The following ANKRD30A variants were observed in gnomAD, a reference collection of about 807,000 sequenced individuals.
ANKRD30A encodes the protein ankyrin repeat domain-containing protein 30A.
In ANKRD30A, 170 loss-of-function variants were observed where a neutral mutation model predicts 166.3. The ratio of observed to expected loss-of-function variants is 1.02; its 90% confidence interval spans 0.90 to 1.16. ANKRD30A has a LOEUF of 1.16. Among genes scored for constraint, ANKRD30A ranks in the 50% most tolerant of loss-of-function variants. The pLI, the probability that ANKRD30A is intolerant of heterozygous loss-of-function variation, is 0.00. For synonymous variants in ANKRD30A, 564 were observed against 508.9 expected, an observed-to-expected ratio of 1.11 and a Z score of -1.46; for missense variants, 1,630 against 1,518.0, an observed-to-expected ratio of 1.07 and a Z score of -1.23.
chr10:37,246,494 C>T, the ANKRD30A span, among the ~76,000 whole-genome samples: 1 of 152,168 alleles, frequency 6.6e-6, no homozygotes, highest in East Asian at 1.9e-4. Context: ...GTACACTCTG[C>T]CATTATCCTT....
At chr10:37,199,054 C>T (rs958108044) in intron 29 of ANKRD30A, among the ~76,000 whole-genome samples, 1 of 152,008 alleles carries the variant, frequency 6.6e-6, no homozygotes, top group Non-Finnish European at 1.5e-5. Context: ...TCATGTTTCT[C>T]CAAGGTGTCA....
chr10:37,160,740 C>G (rs1838784965), intron 15 of ANKRD30A, among the ~76,000 whole-genome samples: 1 of 152,088 alleles, frequency 6.6e-6, no homozygotes, highest in Non-Finnish European at 1.5e-5. Context: ...GACTTTTCAT[C>G]TGTTTACATG....
rs183513206 is a variant in ANKRD30A, at chr10:37,179,469, A to C, written c.2421+3251A>C. Among the ~76,000 whole-genome samples, 10 of 151,188 alleles carry C rather than the reference A, an allele frequency of 6.6e-5. No individual in the cohort carries two copies. The South Asian group carries it at 2.1e-3, about 32-fold the overall frequency. ...GATGACTAAGCTAGAAATTACAAAA[A>C]TGTTGGCATACTATTCCTACATTAT... On this transcript the variant is annotated intron_variant, in intron 24 of 35. Transcript: ENST00000361713.
chr10:37,232,394 A>G (rs1410807010), intron 35 of ANKRD30A, 105 bp from the exon 36 acceptor site: 1 of 151,406 alleles, frequency 6.6e-6, no homozygotes, highest in East Asian at 2.0e-4. Context: ...ATGTTCACTT[A>G]TGTATGTCTA....
the ANKRD30A span, among the ~76,000 whole-genome samples, chr10:37,256,392 G>A: frequency 6.6e-6 from 1 of 152,144 alleles, no homozygotes; most frequent in African/African-American, 2.4e-5. Context: ...AAGTGGCTGG[G>A]ACCACAGGTG....
At chr10:37,264,142 A>G in the ANKRD30A span, among the ~76,000 whole-genome samples, 3 of 152,168 alleles carry the variant, frequency 2.0e-5, no homozygotes, top group African/African-American at 4.8e-5. Context: ...ATCAATAAAA[A>G]CATATTATTG....
chr10:37,235,211 T>C (rs186235932), downstream of ANKRD30A, among the ~76,000 whole-genome samples: 9 of 152,340 alleles, frequency 5.9e-5, no homozygotes, highest in South Asian at 1.0e-3. Context: ...AGATAGTTTC[T>C]CAAATTCTTC....
the ANKRD30A span, among the ~76,000 whole-genome samples, chr10:37,252,559 G>A: frequency 7.2e-5 from 11 of 152,060 alleles, no homozygotes; most frequent in African/African-American, 2.4e-4. Context: ...TCTATTAGGT[G>A]TCAGTTTTTC....
Position 37,219,635 on chromosome 10 carries a change from A to T in ANKRD30A, c.3923A>T (p.Asn1308Ile). The stretch of plus-strand genomic sequence containing the variant: ...CACATGTATCAAAACGAACAAGATA[A>T]TGTGAACAAACACACTGAACAGCAG... The part of the protein sequence containing the change: ...AEHMYQNEQD[N>I]VNKHTEQQES... The change falls in exon 34 of 36, where the codon AAT (asparagine) becomes ATT (isoleucine). Residue 1308 changes from asparagine to isoleucine, a missense_variant. By Grantham distance (149) the Asn-to-Ile change is moderately radical. Around this residue, in one of 4 missense-constraint regions of ANKRD30A, gnomAD observed 712 missense variants for 629.3 expected, o/e 1.13. Transcript: ENST00000361713. 6.2e-7 allele frequency: 1 copy of T among 1,610,168 alleles called. No individual in the cohort carries two copies. Among genetic ancestry groups the T allele is most frequent in the South Asian group, 1.1e-5 (1 of 90,946 alleles).
At chr10:37,224,311 C>A (rs913696163) in intron 34 of ANKRD30A, among the ~76,000 whole-genome samples, 2 of 150,920 alleles carry the variant, frequency 1.3e-5, no homozygotes, top group African/African-American at 4.8e-5. Flanking sequence ...TAAACATCAT[C>A]AAAAATTATC....
Position 37,147,366 on chromosome 10 carries a change from A to C in ANKRD30A, c.1456-4A>C. The C allele has an allele frequency of 1.3e-6, 2 of 1,565,998 alleles. No individual in the cohort carries two copies. The highest frequency in any genetic ancestry group is 3.9e-5 in the Admixed American group (2 of 51,908). On this transcript the variant is annotated splice_region_variant and splice_polypyrimidine_tract_variant and intron_variant, in intron 8 of 35. Coordinates refer to ENST00000361713, the MANE Select transcript of ANKRD30A (RefSeq NM_052997.3). ...AAATTATCTATTGATACTACTTTTA[A>C]CAGAGTCTCTTTGAGAGTTCTGCAA...
intron 25 of ANKRD30A, among the ~76,000 whole-genome samples, chr10:37,192,729 G>A (rs949923421): frequency 1.3e-5 from 2 of 151,924 alleles, no homozygotes; most frequent in African/African-American, 2.4e-5. Context: ...GCATGACTTG[G>A]TCATCTTATT....
the ANKRD30A span, among the ~76,000 whole-genome samples, chr10:37,239,435 A>G: frequency 2.6e-5 from 4 of 152,118 alleles, no homozygotes; most frequent in Non-Finnish European, 5.9e-5. Flanking sequence ...TTCTCATGAT[A>G]TTATGTGAGT....
At chr10:37,159,333 T>C (rs12770707) in intron 15 of ANKRD30A, among the ~76,000 whole-genome samples, 13 of 151,968 alleles carry the variant, frequency 8.6e-5, no homozygotes, top group African/African-American at 2.7e-4. Flanking sequence ...CCTGGTCAAA[T>C]TAGTGAAACC....
chr10:37,172,269 G>C (rs2993685), intron 21 of ANKRD30A, among the ~76,000 whole-genome samples: 7 of 110,964 alleles, frequency 6.3e-5, no homozygotes, highest in Admixed American at 1.8e-4. Context: ...TTGGAGCTTG[G>C]TCTGAGTAGC....
intron 30 of ANKRD30A, among the ~76,000 whole-genome samples, chr10:37,200,972 T>C (rs1345178251): frequency 6.6e-6 from 1 of 152,064 alleles, no homozygotes; most frequent in African/African-American, 2.4e-5. Context: ...ATATGCACGA[T>C]TGAATTTTTT....
intron 24 of ANKRD30A, among the ~76,000 whole-genome samples, chr10:37,178,025 A>G (rs74968743): frequency 6.6e-6 from 1 of 151,044 alleles, no homozygotes; most frequent in Non-Finnish European, 1.5e-5. Context: ...GAAAGTAGTA[A>G]TAGAGTAAAT....
chr10:37,152,352 A>G (rs1468364371), intron 12 of ANKRD30A, among the ~76,000 whole-genome samples: 1 of 152,124 alleles, frequency 6.6e-6, no homozygotes, highest in Non-Finnish European at 1.5e-5. Flanking sequence ...GGTATAGTGT[A>G]AAAACTAAGG....
chr10:37,190,503 G>A lies in ANKRD30A; in HGVS notation c.2512+946G>A, dbSNP rs900981440. ...GATACTACCACTCCTCAAAGTAAAA[G>A]GAAAGAGTTGGAAAAAATAATGTTA... On this transcript the variant is annotated intron_variant, in intron 25 of 35. Transcript: ENST00000361713. Among the ~76,000 whole-genome samples the A allele has an allele frequency of 1.6e-4, 24 of 151,724 alleles. 1 individual carries two copies. Among genetic ancestry groups the A allele is most frequent in the African/African-American group, 5.8e-4 (24 of 41,154 alleles).
Sources: allele counts gnomAD v4.1 joint callset (sites outside exome capture counted in the v4.1 genomes callset), GRCh38; gene constraint gnomAD v4.1.1; regional missense constraint gnomAD v4.1.1; transcripts MANE v1.5; gene names NCBI Gene and HGNC (gene_info 2026-07-23, HGNC 2026-07-21).